The following CAMK2D variants were observed in gnomAD, a reference collection of about 807,000 sequenced individuals.
CAMK2D encodes the protein calcium/calmodulin-dependent protein kinase type II subunit delta.
In CAMK2D, 37 loss-of-function variants were observed where a neutral mutation model predicts 84.0. The ratio of observed to expected loss-of-function variants is 0.44; its 90% CI spans 0.34 to 0.58. The LOEUF (loss-of-function observed/expected upper bound fraction) is 0.58. Among genes scored for constraint, CAMK2D ranks in the 20% least tolerant of loss-of-function variants. CAMK2D has a pLI of 0.02. For synonymous variants in CAMK2D, 202 were observed against 212.5 expected (o/e 0.95, Z 0.43); for missense variants, 448 against 652.5 (o/e 0.69, Z 3.41).
chr4:113,494,495 G>C (rs1455335848), intron 16 of CAMK2D, among the ~76,000 whole-genome samples: 1 of 152,200 alleles, frequency 6.6e-6, no homozygotes, highest in South Asian at 2.1e-4. Context: ...CAGTCTGCCT[G>C]TTCTCAGATC....
At chr4:113,645,210 G>T (rs997572902) in intron 3 of CAMK2D, among the ~76,000 whole-genome samples, 8 of 152,082 alleles carry the variant, frequency 5.3e-5, no homozygotes, top group Admixed American at 5.2e-4. Flanking sequence ...TAGAGACAGG[G>T]TTTCACCATG....
chr4:113,478,692 T>G (rs2097661165), intron 16 of CAMK2D, among the ~76,000 whole-genome samples: 1 of 152,226 alleles, frequency 6.6e-6, no homozygotes, highest in African/African-American at 2.4e-5. Context: ...TTTGTGTAGC[T>G]TAACTTTGTG....
intron 8 of CAMK2D, among the ~76,000 whole-genome samples, chr4:113,530,477 T>C (rs1032960173): frequency 2.6e-5 from 4 of 152,214 alleles, no homozygotes; most frequent in Non-Finnish European, 5.9e-5. Flanking sequence ...ATTAGGGATG[T>C]TCAACTTGTA....
intron 2 of CAMK2D, among the ~76,000 whole-genome samples, chr4:113,715,282 T>C (rs546038009): frequency 1.3e-5 from 2 of 152,200 alleles, no homozygotes; most frequent in Admixed American, 1.3e-4. Flanking sequence ...GTTTCTTCTT[T>C]TCCAGTATGA....
intron 4 of CAMK2D, among the ~76,000 whole-genome samples, chr4:113,577,170 T>C (rs1208909898): frequency 8.5e-5 from 13 of 152,212 alleles, no homozygotes; most frequent in Admixed American, 8.5e-4. Context: ...TTTCATTAGA[T>C]AGCATCTTGC....
rs1344581184 is a variant in CAMK2D at position 113,761,031 on chromosome 4, T to C, written c.38A>G (p.Glu13Gly). 4 of 1,614,210 alleles carry C rather than the reference T, an allele frequency of 2.5e-6. No individual in the cohort carries two copies. The Admixed American group carries it at 5.0e-5, about 20-fold the overall frequency. Reference protein sequence around the residue: ...STTTCTRFTDEYQLFEELGKG... With the variant: ...STTTCTRFTDGYQLFEELGKG... ...TCCAAGCTCCTCGAAAAGCTGATAC[T>C]CGTCCGTGAACCTGGTGCAGGTTGT... Residue 13 changes from glutamate to glycine, a missense_variant, in exon 1 of 21, where the codon GAG (glutamate) becomes GGG (glycine). Glu to Gly is a moderately conservative substitution (Grantham distance 98). Around this residue, in one of 7 missense-constraint regions of CAMK2D, gnomAD observed 44 missense variants for 45.6 expected, o/e 0.96. Coordinates refer to ENST00000511664, the MANE Select transcript of CAMK2D (RefSeq NM_001321571.2).
intron 6 of CAMK2D, among the ~76,000 whole-genome samples, chr4:113,538,958 T>G (rs1028083129): frequency 6.6e-6 from 1 of 152,244 alleles, no homozygotes; most frequent in East Asian, 1.9e-4. Context: ...TTTAACCACC[T>G]CAACACTAAA....
chr4:113,604,074 T>C (rs1236321194), intron 4 of CAMK2D, among the ~76,000 whole-genome samples: 1 of 152,080 alleles, frequency 6.6e-6, no homozygotes, highest in Non-Finnish European at 1.5e-5. Flanking sequence ...TTCCATTAGA[T>C]TCTGAATAGC....
At chr4:113,465,689 G>C (rs1356702668) in intron 16 of CAMK2D, 85 bp from the exon 17 acceptor site, 4 of 837,182 alleles carry the variant, frequency 4.8e-6, no homozygotes, top group Non-Finnish European at 6.0e-6. Context: ...TTTTGAGATA[G>C]GGTCTCACTC....
intron 12 of CAMK2D, among the ~76,000 whole-genome samples, chr4:113,512,846 C>G (rs1590467613): frequency 6.6e-6 from 1 of 152,240 alleles, no homozygotes; most frequent in East Asian, 1.9e-4. Flanking sequence ...GCTGGGATTA[C>G]AGGCGTGAGC....
chr4:113,504,846 A>C (rs1169789014), intron 14 of CAMK2D, 130 bp downstream of exon 14: 6 of 362,454 alleles, frequency 1.7e-5, no homozygotes, highest in Non-Finnish European at 1.9e-5. Flanking sequence ...AAAAAAAAAA[A>C]CAAAACCCAA....
intron 4 of CAMK2D, among the ~76,000 whole-genome samples, chr4:113,592,542 T>C (rs2098894863): frequency 6.6e-6 from 1 of 152,228 alleles, no homozygotes; most frequent in Non-Finnish European, 1.5e-5. Context: ...AAAATTGTGC[T>C]TTCAAAATCT....
intron 3 of CAMK2D, among the ~76,000 whole-genome samples, chr4:113,639,043 G>C (rs79785236): frequency 0.038 from 5,702 of 148,634 alleles, 375 homozygotes; most frequent in African/African-American, 0.13. Flanking sequence ...TGGAATTCGA[G>C]ACCAGCCTGG....
intron 17 of CAMK2D, among the ~76,000 whole-genome samples, chr4:113,461,410 A>C (rs909394029): frequency 5.3e-5 from 8 of 152,190 alleles, no homozygotes; most frequent in African/African-American, 1.9e-4. Flanking sequence ...GCTTTGAAGA[A>C]TGAGTAAGAG....
chr4:113,546,433 C>T (rs2154195031), intron 6 of CAMK2D, among the ~76,000 whole-genome samples: 1 of 152,292 alleles, frequency 6.6e-6, no homozygotes, highest in Non-Finnish European at 1.5e-5. Context: ...CATACCTTTG[C>T]TTTTGATATT....
At chr4:113,707,072 T>G (rs561936413) in intron 2 of CAMK2D, among the ~76,000 whole-genome samples, 1 of 152,266 alleles carries the variant, frequency 6.6e-6, no homozygotes, top group East Asian at 1.9e-4. Context: ...AAACACACCT[T>G]GTACCATAGC....
chr4:113,617,042 CATTT>C (rs1247878942), intron 3 of CAMK2D, among the ~76,000 whole-genome samples: 1 of 152,002 alleles, frequency 6.6e-6, no homozygotes, highest in African/African-American at 2.4e-5. Context: ...GCATTAATAT[CATTT>C]GTTTTATGAA....
At chr4:113,532,667 T>C (rs1335535014) in intron 7 of CAMK2D, among the ~76,000 whole-genome samples, 1 of 152,230 alleles carries the variant, frequency 6.6e-6, no homozygotes, top group Non-Finnish European at 1.5e-5. Context: ...GAGAAATCGA[T>C]GCTAATGTCC....
intron 3 of CAMK2D, among the ~76,000 whole-genome samples, chr4:113,628,177 G>T (rs962873133): frequency 2.0e-5 from 3 of 152,072 alleles, no homozygotes; most frequent in Admixed American, 6.6e-5. Flanking sequence ...TTTGCATTTT[G>T]TAGATACGAC....
Sources: gnomAD v4.1 joint callset for allele counts (sites outside exome capture counted in the v4.1 genomes callset) on GRCh38, gnomAD v4.1.1 for gene constraint, gnomAD v4.1.1 regional missense constraint, MANE v1.5 for transcripts, NCBI Gene and HGNC (gene_info 2026-07-23, HGNC 2026-07-21) for gene names.